CDH18: variants seen among roughly 807,000 people sequenced by gnomAD.
CDH18 encodes cadherin-18.
Under a neutral mutation model 67.9 loss-of-function variants are expected in CDH18, and 31 were observed. The ratio of observed to expected loss-of-function variants is 0.46; its 90% CI spans 0.34 to 0.62. The LOEUF (loss-of-function observed/expected upper bound fraction) is 0.62, where lower values mean the gene tolerates loss of function less well. CDH18 is among the 20% of genes least tolerant of loss of function. The pLI is 0.01. For missense variants in CDH18, 890 were observed against 975.5 expected, an observed-to-expected ratio of 0.91 and a Z score of 1.17; for synonymous variants, 362 against 347.2, an observed-to-expected ratio of 1.04 and a Z score of -0.48.
intron 3 of CDH18, among the ~76,000 whole-genome samples, chr5:19,767,857 G>T (rs1773285384): frequency 6.6e-6 from 1 of 151,926 alleles, no homozygotes; most frequent in Non-Finnish European, 1.5e-5. Context: ...AGCATTCCAG[G>T]GATGTATAGA....
chr5:19,679,914 C>A (rs981839800), intron 5 of CDH18, among the ~76,000 whole-genome samples: 3 of 152,020 alleles, frequency 2.0e-5, no homozygotes, highest in Middle Eastern at 3.2e-3. Context: ...CTACCAATGT[C>A]ATTTTTCACA....
At chr5:20,093,524 A>G (rs1745626508) in intron 2 of CDH18, among the ~76,000 whole-genome samples, 1 of 152,188 alleles carries the variant, frequency 6.6e-6, no homozygotes, top group Admixed American at 6.6e-5. Flanking sequence ...TTAAACTCAA[A>G]GATTTTCTAC....
At chr5:20,179,361 G>C (rs1737498915) in intron 2 of CDH18, among the ~76,000 whole-genome samples, 1 of 152,072 alleles carries the variant, frequency 6.6e-6, no homozygotes, top group African/African-American at 2.4e-5. Context: ...GTCAAAACCA[G>C]GGAGTGTTTC....
chr5:20,117,893 TC>T (rs1748052699), intron 2 of CDH18, among the ~76,000 whole-genome samples: 1 of 152,184 alleles, frequency 6.6e-6, no homozygotes, highest in African/African-American at 2.4e-5. Flanking sequence ...CACCTTTTTT[TC>T]CTGCTAGTTT....
chr5:20,538,975 G>A (rs926671600), intron 1 of CDH18, among the ~76,000 whole-genome samples: 2 of 129,270 alleles, frequency 1.5e-5, no homozygotes, highest in African/African-American at 5.6e-5. Flanking sequence ...TGCAACATCT[G>A]CCTCCTGGGT....
intron 2 of CDH18, among the ~76,000 whole-genome samples, chr5:20,062,025 T>A (rs1383988898): frequency 6.6e-6 from 1 of 151,922 alleles, no homozygotes; most frequent in Non-Finnish European, 1.5e-5. Context: ...AATGACACAA[T>A]GGTGAAGGCA....
intron 5 of CDH18, among the ~76,000 whole-genome samples, chr5:19,696,030 G>A (rs1762490394): frequency 1.3e-5 from 2 of 151,800 alleles, no homozygotes; most frequent in South Asian, 4.1e-4. Context: ...AATTCTCCAG[G>A]TAATTTTTTA....
chr5:20,171,993 T>G (rs1280679922), intron 2 of CDH18, among the ~76,000 whole-genome samples: 1 of 150,974 alleles, frequency 6.6e-6, no homozygotes, highest in Non-Finnish European at 1.5e-5. Flanking sequence ...CTTTCCTCAT[T>G]GCTTATTTTG....
At chr5:19,483,087 G>A (rs566920155) in intron 12 of CDH18, among the ~76,000 whole-genome samples, 5 of 152,084 alleles carry the variant, frequency 3.3e-5, no homozygotes, top group African/African-American at 9.6e-5. Flanking sequence ...ATTTCTTTCC[G>A]ATTTTATCCT....
chr5:20,070,358 G>T (rs993733566), intron 2 of CDH18, among the ~76,000 whole-genome samples: 1 of 151,988 alleles, frequency 6.6e-6, no homozygotes, highest in Non-Finnish European at 1.5e-5. Flanking sequence ...CTAATAAAGG[G>T]TTTTTTTGGT....
intron 1 of CDH18, among the ~76,000 whole-genome samples, chr5:20,533,679 G>C (rs576960504): frequency 6.6e-6 from 1 of 151,920 alleles, no homozygotes; most frequent in Non-Finnish European, 1.5e-5. Flanking sequence ...TTTGTAAGTT[G>C]AGTATATCTC....
chr5:20,449,370 A>C (rs1441629209), intron 1 of CDH18, among the ~76,000 whole-genome samples: 2 of 152,122 alleles, frequency 1.3e-5, no homozygotes, highest in Non-Finnish European at 2.9e-5. Flanking sequence ...CATATTAATT[A>C]TATATTAAGT....
intron 2 of CDH18, among the ~76,000 whole-genome samples, chr5:20,208,401 A>T (rs1280899225): frequency 6.6e-6 from 1 of 151,776 alleles, no homozygotes; most frequent in African/African-American, 2.4e-5. Flanking sequence ...GATTATGGGG[A>T]TTACAATTCA....
intron 2 of CDH18, among the ~76,000 whole-genome samples, chr5:20,236,553 TACAA>T (rs1298034722): frequency 6.6e-6 from 1 of 151,900 alleles, no homozygotes; most frequent in Non-Finnish European, 1.5e-5. Context: ...AAAGACATAC[TACAA>T]ACAATTATAT....
At chr5:19,621,962 C>A (rs1750788134) in intron 5 of CDH18, among the ~76,000 whole-genome samples, 1 of 152,164 alleles carries the variant, frequency 6.6e-6, no homozygotes, top group Non-Finnish European at 1.5e-5. Context: ...ATATAGAATT[C>A]TGTTGCCATG....
In CDH18 at chr5:19,541,044, G is replaced by A. The variant is rs755409714; in HGVS notation, c.1390+2825C>T. 5.3e-5 allele frequency among the ~76,000 whole-genome samples: 8 copies of A among 151,708 alleles called. No homozygotes were observed. The East Asian group carries it at 5.8e-4, about 11-fold the overall frequency. ...TCTGCTTCCTCTTGAACTCTTTGTCGCTTAGAGATTTCTTCCACCAGATAC... is the reference window on the plus strand; with the variant it reads ...TCTGCTTCCTCTTGAACTCTTTGTCACTTAGAGATTTCTTCCACCAGATAC... On this transcript the variant is annotated intron_variant, in intron 9 of 12. Transcript: ENST00000382275.
chr5:20,370,097 C>T (rs1742854737), intron 1 of CDH18, among the ~76,000 whole-genome samples: 1 of 152,034 alleles, frequency 6.6e-6, no homozygotes, highest in Non-Finnish European at 1.5e-5. Context: ...TTACTACCAT[C>T]TCTTTTAAAA....
intron 1 of CDH18, among the ~76,000 whole-genome samples, chr5:20,526,978 T>C (rs1449324279): frequency 6.6e-6 from 1 of 152,084 alleles, no homozygotes; most frequent in Non-Finnish European, 1.5e-5. Flanking sequence ...TAAAGGATTA[T>C]GTTCTAACCC....
chr5:20,479,759 A>C (rs1752668910), intron 1 of CDH18, among the ~76,000 whole-genome samples: 1 of 152,138 alleles, frequency 6.6e-6, no homozygotes, highest in Non-Finnish European at 1.5e-5. Context: ...TTTCAAATCT[A>C]GAGAAAGTTA....
Sources: gnomAD v4.1 joint callset for allele counts (sites outside exome capture counted in the v4.1 genomes callset) on GRCh38, gnomAD v4.1.1 for gene constraint, MANE v1.5 for transcripts, NCBI Gene and HGNC (gene_info 2026-07-23, HGNC 2026-07-21) for gene names.